The following JAZF1 variants were observed in gnomAD, a reference collection of about 807,000 sequenced individuals.
JAZF1 encodes the protein juxtaposed with another zinc finger protein 1.
A neutral mutation model predicts 26.4 loss-of-function variants in JAZF1; 8 were observed. The ratio of observed to expected loss-of-function variants is 0.30; its 90% confidence interval spans 0.18 to 0.55. The LOEUF (loss-of-function observed/expected upper bound fraction) is 0.55. Ranked by LOEUF, JAZF1 falls within the 20% of genes least tolerant of loss-of-function variation. JAZF1 has a pLI of 0.94. For missense variants in JAZF1, 199 were observed against 322.0 expected (o/e 0.62, Z 2.92); for synonymous variants, 126 against 122.3 (o/e 1.03, Z -0.20).
chr7:28,110,488 GAAA>G (rs1784629667), intron 1 of JAZF1, among the ~76,000 whole-genome samples: 2 of 49,206 alleles, frequency 4.1e-5, no homozygotes, highest in Admixed American at 3.6e-4. Context: ...GAAAGGAAAG[GAAA>G]GGAAAGGAAA....
intron 1 of JAZF1, among the ~76,000 whole-genome samples, chr7:28,000,136 G>T (rs1163872637): frequency 6.6e-6 from 1 of 151,974 alleles, no homozygotes; most frequent in East Asian, 1.9e-4. Flanking sequence ...AGTATTAGTT[G>T]CAGTATTAGT....
chr7:27,983,103 G>T (rs989330780), intron 2 of JAZF1, among the ~76,000 whole-genome samples: 2 of 152,198 alleles, frequency 1.3e-5, no homozygotes, highest in African/African-American at 4.8e-5. Context: ...TGACTTTGAC[G>T]AGTTGAGAGA....
At chr7:28,173,313 G>T (rs147908210) in intron 1 of JAZF1, among the ~76,000 whole-genome samples, 36 of 152,062 alleles carry the variant, frequency 2.4e-4, no homozygotes, top group African/African-American at 7.0e-4. Flanking sequence ...ACTAACATAG[G>T]AAATACTCAA....
intron 1 of JAZF1, among the ~76,000 whole-genome samples, chr7:28,176,874 A>G (rs988469773): frequency 6.6e-6 from 1 of 152,044 alleles, no homozygotes; most frequent in Non-Finnish European, 1.5e-5. Flanking sequence ...CATGACCTTC[A>G]GTGCTAAATT....
intron 1 of JAZF1, among the ~76,000 whole-genome samples, chr7:28,049,990 G>A (rs890856149): frequency 6.6e-6 from 1 of 152,018 alleles, no homozygotes; most frequent in African/African-American, 2.4e-5. Flanking sequence ...CCTAAGGCTG[G>A]CAGGTGCGGC....
intron 1 of JAZF1, among the ~76,000 whole-genome samples, chr7:28,172,878 A>G (rs949072213): frequency 3.7e-4 from 56 of 152,170 alleles, no homozygotes; most frequent in Non-Finnish European, 4.4e-5. Flanking sequence ...CTAAACCCAA[A>G]CAAAATGTGG....
chr7:27,958,721 A>C (rs1439359107), intron 2 of JAZF1, among the ~76,000 whole-genome samples: 1 of 152,184 alleles, frequency 6.6e-6, no homozygotes, highest in Non-Finnish European at 1.5e-5. Flanking sequence ...GTAAGGTGAA[A>C]TGTTCTGGCT....
At chr7:28,073,320 T>C (rs1562577982) in intron 1 of JAZF1, among the ~76,000 whole-genome samples, 1 of 152,134 alleles carries the variant, frequency 6.6e-6, no homozygotes, top group Non-Finnish European at 1.5e-5. Context: ...TTTGTAGGGC[T>C]CTTTTATACT....
intron 1 of JAZF1, among the ~76,000 whole-genome samples, chr7:28,126,781 G>A (rs1782700890): frequency 1.3e-5 from 2 of 152,262 alleles, no homozygotes; most frequent in South Asian, 2.1e-4. Context: ...AAGAGGAGAG[G>A]GAAAGGAAGG....
chr7:28,133,794 C>T (rs1369114002), intron 1 of JAZF1, among the ~76,000 whole-genome samples: 1 of 152,170 alleles, frequency 6.6e-6, no homozygotes, highest in Non-Finnish European at 1.5e-5. Flanking sequence ...TTGCTGCTTC[C>T]TCTGAGAAAC....
chr7:28,075,096 G>C (rs1277632272), intron 1 of JAZF1, among the ~76,000 whole-genome samples: 8 of 152,252 alleles, frequency 5.3e-5, no homozygotes, highest in African/African-American at 1.7e-4. Context: ...GCTGACCTGG[G>C]TTCAAAGCCT....
chr7:28,083,915 G>C (rs1384591830), intron 1 of JAZF1, among the ~76,000 whole-genome samples: 1 of 152,008 alleles, frequency 6.6e-6, no homozygotes, highest in East Asian at 1.9e-4. Context: ...GCCAGCCTAA[G>C]AATTATTGGT....
At chr7:28,066,086 A>G (rs771632430) in intron 1 of JAZF1, among the ~76,000 whole-genome samples, 11 of 152,180 alleles carry the variant, frequency 7.2e-5, no homozygotes, top group Non-Finnish European at 1.5e-4. Flanking sequence ...GAATTTAGGA[A>G]TGCTAAGGAA....
intron 1 of JAZF1, among the ~76,000 whole-genome samples, chr7:28,030,518 C>CA (rs1431104699): frequency 6.6e-6 from 1 of 152,128 alleles, no homozygotes; most frequent in African/African-American, 2.4e-5. Context: ...GATAACTCTG[C>CA]ATAAGTAAGG....
chr7:28,166,199 G>A (rs1783365362), intron 1 of JAZF1, among the ~76,000 whole-genome samples: 1 of 152,144 alleles, frequency 6.6e-6, no homozygotes, highest in Non-Finnish European at 1.5e-5. Flanking sequence ...CTGCTTAACT[G>A]TATCAGGGCA....
chr7:28,159,602 T>C (rs1020660900), intron 1 of JAZF1, among the ~76,000 whole-genome samples: 1 of 152,158 alleles, frequency 6.6e-6, no homozygotes, highest in South Asian at 2.1e-4. Flanking sequence ...GATTGACATT[T>C]TGAAGGATCA....
At chr7:28,112,351 T>C (rs752116695) in intron 1 of JAZF1, among the ~76,000 whole-genome samples, 14 of 152,312 alleles carry the variant, frequency 9.2e-5, no homozygotes, top group Non-Finnish European at 1.6e-4. Context: ...TTTTGTAACA[T>C]CCATTTCAGT....
At position 27,909,415 on chromosome 7, in the gene JAZF1, A is replaced by C. The variant is rs201525835; in HGVS notation, c.189-13999T>G. ...TTAGGCATAATTTCAAAAAAAAAAA[A>C]CCCACCACTGGCCGGGCGCGGTGGC... On this transcript the variant is annotated intron_variant, in intron 2 of 4. Transcript: ENST00000283928. Among the ~76,000 whole-genome samples, 4 of 138,240 alleles carry C rather than the reference A, an allele frequency of 2.9e-5. No individual in the cohort carries two copies. The South Asian group carries it at 7.1e-4, about 24-fold the overall frequency. The allele number at this position is 138,240 out of a possible 152,430, so 90.7% of individuals were successfully genotyped here. A position where few individuals can be genotyped will look rare whatever the true frequency, so the allele number is the denominator to read the frequency against.
intron 1 of JAZF1, among the ~76,000 whole-genome samples, chr7:28,175,650 C>T (rs942370277): frequency 3.3e-5 from 5 of 152,170 alleles, no homozygotes; most frequent in African/African-American, 1.2e-4. Context: ...AGATGACCTT[C>T]ATCTCGAGTT....
Sources: allele counts gnomAD v4.1 joint callset (sites outside exome capture counted in the v4.1 genomes callset), GRCh38; gene constraint gnomAD v4.1.1; transcripts MANE v1.5; gene names NCBI Gene and HGNC (gene_info 2026-07-23, HGNC 2026-07-21).